The following C2CD3 variants were observed in gnomAD, a reference collection of about 807,000 sequenced individuals.
The protein encoded by C2CD3 is C2 domain containing 3 centriole elongation regulator.
Under a neutral mutation model 234.0 loss-of-function variants are expected in C2CD3, and 148 were observed. That is an observed-to-expected ratio of 0.63 (90% CI 0.55 to 0.72). The LOEUF is 0.72. C2CD3 is among the 30% of genes least tolerant of loss of function. The probability of loss-of-function intolerance (pLI) is 0.00; values close to 1 mark genes in which losing one functional copy is unlikely to be tolerated. For missense variants in C2CD3, 2,577 were observed against 2,811.5 expected, an observed-to-expected ratio of 0.92 and a Z score of 1.89; for synonymous variants, 1,000 against 1,035.4, an observed-to-expected ratio of 0.97 and a Z score of 0.66.
At chr11:74,021,187 T>C (rs938370570) in intron 32 of C2CD3, among the ~76,000 whole-genome samples, 1 of 151,976 alleles carries the variant, frequency 6.6e-6, no homozygotes. Flanking sequence ...GAGTTTGCAG[T>C]GAGCCGAGAT....
chr11:74,142,797 C>T (rs1305379823), intron 3 of C2CD3, among the ~76,000 whole-genome samples: 1 of 152,126 alleles, frequency 6.6e-6, no homozygotes, highest in East Asian at 1.9e-4. Context: ...TACTTTAACC[C>T]TCCTGTTGCA....
chr11:74,150,527 CA>C (rs1265839513), intron 3 of C2CD3, among the ~76,000 whole-genome samples: 1 of 54,868 alleles, frequency 1.8e-5, no homozygotes, highest in African/African-American at 7.9e-5. Flanking sequence ...AAAAAAAAAA[CA>C]AAACAAATTT....
At position 74,085,844 on chromosome 11, in the gene C2CD3, T is replaced by C; in HGVS notation, c.3684A>G (p.Thr1228=). 1.2e-6 allele frequency: 2 copies of C among 1,614,064 alleles called. No individual in the cohort carries two copies. The highest frequency in any genetic ancestry group is 8.5e-7 in the Non-Finnish European group (1 of 1,179,996). ...EREPALQFSA[T]VGVNASVTTH... ...TGGTGACAGAGGCATTGACCCCGAC[T>C]GTGGCACTAAACTGTAGAGCGGGTT... The change falls in exon 21 of 33, where the codon ACA becomes ACG. Residue 1228 remains threonine (T), a synonymous_variant. Transcript: ENST00000334126.
In C2CD3 at chr11:74,129,075, A is replaced by G. The variant is rs1280449142; in HGVS notation, c.1217+3769T>C. The G allele has an allele frequency of 7.5e-5, 15 of 200,816 alleles. No individual in the cohort carries two copies. The East Asian group carries it at 8.6e-4, about 12-fold the overall frequency. 12.4% of individuals were successfully genotyped at this position (200,816 alleles called of 1,614,324 possible). ...GAGCTGTTGGGTACACCTCCCAGAC[A>G]GGGTGGTGGCCGGGCAGAGGGGCTC... is the stretch of plus-strand genomic sequence containing the variant. On this transcript the variant is annotated intron_variant, in intron 7 of 32. Transcript: ENST00000334126.
intron 7 of C2CD3, among the ~76,000 whole-genome samples, chr11:74,124,965 T>A (rs1957359894): frequency 6.6e-6 from 1 of 152,222 alleles, no homozygotes; most frequent in South Asian, 2.1e-4. Context: ...TCCTTGGCCA[T>A]AAAATAAGCC....
chr11:74,049,445 A>C lies in C2CD3; in HGVS notation c.5253T>G (p.Ser1751Arg). ...VCGWYNITDF[S>R]GECQGQIKVA... ...CTTTTATCTGCCCCTGGCACTCTCC[A>C]CTGAAGTCTGTGATGTTGTACCAGC... is the stretch of plus-strand genomic sequence containing the variant. Residue 1751 changes from serine to arginine, a missense_variant, in exon 27 of 33, where the codon AGT (serine) becomes AGG (arginine). Physicochemically the swap from Ser to Arg is moderately radical, Grantham distance 110 (BLOSUM62 -1). Transcript: ENST00000334126. 1 of 1,613,852 alleles carries C rather than the reference A, an allele frequency of 6.2e-7. No homozygotes were observed. The highest frequency in any genetic ancestry group is 8.5e-7 in the Non-Finnish European group (1 of 1,179,990).
intron 32 of C2CD3, among the ~76,000 whole-genome samples, chr11:74,018,631 G>T (rs1284335648): frequency 6.6e-6 from 1 of 152,170 alleles, no homozygotes; most frequent in African/African-American, 2.4e-5. Flanking sequence ...CACCCCTTTG[G>T]CTGGCTGCCT....
chr11:74,032,719 G>A (rs949718170), intron 31 of C2CD3, among the ~76,000 whole-genome samples: 2 of 152,074 alleles, frequency 1.3e-5, no homozygotes, highest in South Asian at 4.2e-4. Flanking sequence ...AAAAAAATTA[G>A]CTGGGTGTGA....
intron 30 of C2CD3, among the ~76,000 whole-genome samples, chr11:74,036,947 T>C (rs1467155801): frequency 1.3e-5 from 2 of 152,206 alleles, no homozygotes; most frequent in African/African-American, 4.8e-5. Flanking sequence ...AATTCCAATA[T>C]GCAGCTAAAG....
chr11:74,153,079 C>T (rs1452626068), intron 3 of C2CD3, among the ~76,000 whole-genome samples: 2 of 151,938 alleles, frequency 1.3e-5, no homozygotes, highest in Non-Finnish European at 2.9e-5. Flanking sequence ...TTTTAAAAAA[C>T]AGTTAGCGTG....
intron 7 of C2CD3, among the ~76,000 whole-genome samples, chr11:74,123,356 T>C (rs1957287601): frequency 6.6e-6 from 1 of 152,234 alleles, no homozygotes; most frequent in South Asian, 2.1e-4. Flanking sequence ...CTGACACTGA[T>C]TGTGATCTCA....
intron 24 of C2CD3, among the ~76,000 whole-genome samples, chr11:74,062,798 G>C (rs1302147494): frequency 6.7e-6 from 1 of 149,712 alleles, no homozygotes. Flanking sequence ...AGGAGATAGA[G>C]ACACAAAAAA....
Position 74,133,567 on chromosome 11 carries a change from G to A in C2CD3, c.956-10C>T, listed in dbSNP as rs1346010400. The A allele has an allele frequency of 6.2e-7, 1 of 1,613,446 alleles. No homozygotes were observed. Among genetic ancestry groups the A allele is most frequent in the East Asian group, 2.2e-5 (1 of 44,848 alleles). ...CCTTGTTCTAACAGAGCTGAAGAGG[G>A]TAAATGCAGAAAACAGAAAAATCCA... On this transcript the variant is annotated splice_polypyrimidine_tract_variant and intron_variant, in intron 5 of 32. Transcript: ENST00000334126.
chr11:74,093,549 T>C (rs1955980212), intron 18 of C2CD3, among the ~76,000 whole-genome samples: 2 of 151,966 alleles, frequency 1.3e-5, no homozygotes, highest in Non-Finnish European at 2.9e-5. Context: ...ATATGTTTAA[T>C]ACATAATAGG....
At chr11:74,100,700 C>A (rs1386400655) in intron 14 of C2CD3, 24 bp from the exon 15 acceptor site, 1 of 1,581,640 alleles carries the variant, frequency 6.3e-7, no homozygotes, top group Admixed American at 2.0e-5. Context: ...ACAACCAAAA[C>A]AAACAAAAAA....
At position 74,073,356 on chromosome 11, in the gene C2CD3, G is replaced by A. The variant is rs997675794; in HGVS notation, c.4951+897C>T. 3.3e-5 allele frequency among the ~76,000 whole-genome samples: 5 copies of A among 152,124 alleles called. No homozygotes were observed. The East Asian group carries it at 9.6e-4, about 29-fold the overall frequency. Reference sequence around the variant, plus strand: ...ACTCCCAGCACTTTGAGAGGCTGAGGTGGGTGGATCACTTGCGGTCAGGAG... The same window carrying A: ...ACTCCCAGCACTTTGAGAGGCTGAGATGGGTGGATCACTTGCGGTCAGGAG... On this transcript the variant is annotated intron_variant, in intron 24 of 32. Coordinates refer to ENST00000334126, the MANE Select transcript of C2CD3 (RefSeq NM_001286577.2).
At chr11:74,131,771 C>T (rs972963986) in intron 7 of C2CD3, among the ~76,000 whole-genome samples, 6 of 152,032 alleles carry the variant, frequency 3.9e-5, no homozygotes, top group Admixed American at 3.9e-4. Flanking sequence ...AGGGTTTCAC[C>T]CTGTTGGCCA....
At chr11:74,117,739 C>T (rs1004674860) in intron 9 of C2CD3, among the ~76,000 whole-genome samples, 7 of 152,054 alleles carry the variant, frequency 4.6e-5, no homozygotes, top group South Asian at 2.1e-4. Flanking sequence ...CATGGAGAAA[C>T]GCCGTCTCTA....
At chr11:74,066,440 G>C (rs941994956) in intron 24 of C2CD3, among the ~76,000 whole-genome samples, 1 of 150,508 alleles carries the variant, frequency 6.6e-6, no homozygotes, top group African/African-American at 2.4e-5. Flanking sequence ...AAGTCAAAAA[G>C]AAAGAAAGAA....
Sources: gnomAD v4.1 joint callset for allele counts (sites outside exome capture counted in the v4.1 genomes callset) on GRCh38, gnomAD v4.1.1 for gene constraint, MANE v1.5 for transcripts, NCBI Gene and HGNC (gene_info 2026-07-23, HGNC 2026-07-21) for gene names.